The following PDE10A variants were observed in gnomAD, a reference collection of about 807,000 sequenced individuals.
The protein encoded by PDE10A is cAMP and cAMP-inhibited cGMP 3',5'-cyclic phosphodiesterase 10A.
A neutral mutation model predicts 97.7 loss-of-function variants in PDE10A; 39 were observed. The observed-to-expected ratio is 0.40, with a 90% CI of 0.31 to 0.52. PDE10A has a LOEUF of 0.52. Among genes scored for constraint, PDE10A ranks in the 20% least tolerant of loss-of-function variants. The probability of loss-of-function intolerance (pLI) is 0.56; values close to 1 mark genes in which losing one functional copy is unlikely to be tolerated. For synonymous variants in PDE10A, 371 were observed against 376.8 expected (o/e 0.98, Z 0.18); for missense variants, 731 against 1,047.8 (o/e 0.70, Z 4.17).
intron 1 of PDE10A, among the ~76,000 whole-genome samples, chr6:165,559,450 A>G (rs1784417741): frequency 6.6e-6 from 1 of 152,232 alleles, no homozygotes; most frequent in Admixed American, 6.5e-5. Context: ...ATTGGTTTAA[A>G]TCATAAAAGA....
intron 1 of PDE10A, among the ~76,000 whole-genome samples, chr6:165,881,119 T>TA (rs900693486): frequency 1.3e-5 from 2 of 152,208 alleles, no homozygotes; most frequent in Non-Finnish European, 2.9e-5. Context: ...TCAGAATCTG[T>TA]AAGAAGTTGA....
chr6:165,545,311 C>A, intron 1 of PDE10A: 1 of 428,326 alleles, frequency 2.3e-6, no homozygotes, highest in Non-Finnish European at 4.5e-6. Flanking sequence ...CCCATCACCT[C>A]AAGCTCCATC....
At chr6:165,959,787 C>A (rs1272191392) in intron 1 of PDE10A, among the ~76,000 whole-genome samples, 1 of 152,090 alleles carries the variant, frequency 6.6e-6, no homozygotes, top group Non-Finnish European at 1.5e-5. Context: ...TGCTTCCTGA[C>A]AGAGAGATCT....
At chr6:165,665,436 C>T (rs1316992328), upstream of PDE10A, among the ~76,000 whole-genome samples, 1 of 152,158 alleles carries the variant, frequency 6.6e-6, no homozygotes, top group Non-Finnish European at 1.5e-5. Context: ...TGACACTACA[C>T]TTTTGTTACT....
chr6:165,987,574 G>A (rs898350566), exon 1 of PDE10A: 13 of 396,186 alleles, frequency 3.3e-5, no homozygotes, highest in Admixed American at 2.0e-4. Context: ...GCTTCATTTC[G>A]AGTTCATAAA....
At chr6:165,659,200 C>A (rs4709956) in intron 1 of PDE10A, among the ~76,000 whole-genome samples, 1 of 151,916 alleles carries the variant, frequency 6.6e-6, no homozygotes, top group Admixed American at 6.6e-5. Flanking sequence ...ATAAAACCAG[C>A]ATTCATACAA....
chr6:165,506,025 C>T (rs1469950714), intron 2 of PDE10A, among the ~76,000 whole-genome samples: 2 of 152,280 alleles, frequency 1.3e-5, no homozygotes, highest in Non-Finnish European at 2.9e-5. Flanking sequence ...TACACTGCCT[C>T]CACTCATGGT....
intron 1 of PDE10A, among the ~76,000 whole-genome samples, chr6:165,630,550 G>C (rs1788582711): frequency 6.6e-6 from 1 of 152,066 alleles, no homozygotes; most frequent in Admixed American, 6.6e-5. Flanking sequence ...AGACTTGATG[G>C]ACTCATGCAA....
chr6:165,932,969 G>A (rs555092501), intron 1 of PDE10A, among the ~76,000 whole-genome samples: 71 of 152,318 alleles, frequency 4.7e-4, no homozygotes, highest in African/African-American at 1.7e-3. Context: ...GAGGGAGAGA[G>A]CCAGGCAGCA....
At position 165,662,054 on chromosome 6, in the gene PDE10A, A is replaced by G; in HGVS notation, c.758T>C (p.Phe253Ser). The change falls in exon 1 of 22, where the codon TTC becomes TCC. Residue 253 changes from phenylalanine to serine, a missense_variant. This residue lies in a region of PDE10A where 181 missense variants were observed against 159.1 expected (regional missense o/e 1.14). Transcript: ENST00000539869. ...CAGCGCGGCCGCGGCGGCGAGGGCG[A>G]AGCTGGCGCCCTGGGGACGCCGCGG... The part of the protein sequence containing the change: ...QTPRRPQGAS[F>S]ALAAAAALLF... 1 of 1,456,362 alleles carries G rather than the reference A, an allele frequency of 6.9e-7. No individual in the cohort carries two copies. The highest frequency in any genetic ancestry group is 1.3e-5 in the South Asian group (1 of 75,652). The allele number at this position is 1,456,362 out of a possible 1,614,324, so 90.2% of individuals were successfully genotyped here. A position where few individuals can be genotyped will look rare whatever the true frequency, so the allele number is the denominator to read the frequency against.
chr6:165,792,514 G>A (rs568677125), intron 1 of PDE10A, among the ~76,000 whole-genome samples: 1 of 152,260 alleles, frequency 6.6e-6, no homozygotes, highest in South Asian at 2.1e-4. Context: ...TAATGCTTTT[G>A]TTTGTCTCCA....
At chr6:165,741,057 T>C (rs1234827188) in intron 1 of PDE10A, among the ~76,000 whole-genome samples, 2 of 152,146 alleles carry the variant, frequency 1.3e-5, no homozygotes, top group Non-Finnish European at 2.9e-5. Flanking sequence ...GTGTGGTGAC[T>C]ATAGTTAATA....
rs763032041 is a variant in PDE10A at position 165,943,214 on chromosome 6, AGAAAGAAAGAAAGAAAGAAAGAAGGAAG to A, written c.-615+44287_-615+44314del. Among the ~76,000 whole-genome samples, 314 of 85,478 alleles carry A rather than the reference AGAAAGAAAGAAAGAAAGAAAGAAGGAAG, an allele frequency of 3.7e-3. 1 individual carries two copies. The highest frequency in any genetic ancestry group is 4.0e-3 in the Non-Finnish European group (166 of 41,366). The allele number at this position is 85,478 out of a possible 152,430, so 56.1% of individuals were successfully genotyped here. On this transcript the variant is annotated intron_variant, in intron 1 of 19. Coordinates refer to the PDE10A transcript ENST00000366882. ...AAGAAAGAAAGAAAGAAAGAAAGAA[AGAAAGAAAGAAAGAAAGAAAGAAGGAAG>A]GAAGGAAGGAAGGAAGGAAGGAAGG...
intron 1 of PDE10A, among the ~76,000 whole-genome samples, chr6:165,579,024 T>A (rs1785470212): frequency 6.6e-6 from 1 of 152,142 alleles, no homozygotes; most frequent in Non-Finnish European, 1.5e-5. Flanking sequence ...GGAAAGGGCA[T>A]CTCAGACAGA....
chr6:165,741,469 A>T (rs1423201297), intron 1 of PDE10A, among the ~76,000 whole-genome samples: 2 of 152,224 alleles, frequency 1.3e-5, no homozygotes, highest in African/African-American at 4.8e-5. Context: ...ATGTTGACAA[A>T]GATCTGGATC....
chr6:165,843,040 G>A (rs12198868), intron 1 of PDE10A, among the ~76,000 whole-genome samples: 33,387 of 152,200 alleles, frequency 0.22, 3,943 homozygotes, highest in Middle Eastern at 0.28. Flanking sequence ...GAAGAAGGCC[G>A]TAGCACAAAT....
intron 1 of PDE10A, among the ~76,000 whole-genome samples, chr6:165,908,383 T>TACC (rs1443892666): frequency 6.6e-6 from 1 of 152,226 alleles, no homozygotes; most frequent in Non-Finnish European, 1.5e-5. Context: ...TGTCTTGGGC[T>TACC]ACCGTTGGGT....
chr6:165,474,739 AGTATTT>A (rs1332076840), intron 3 of PDE10A, among the ~76,000 whole-genome samples: 10 of 148,842 alleles, frequency 6.7e-5, no homozygotes, highest in Admixed American at 1.6e-4. Context: ...TTCCACTCTT[AGTATTT>A]GTAAGTATTC....
intron 1 of PDE10A, among the ~76,000 whole-genome samples, chr6:165,625,723 T>C (rs6921349): frequency 0.24 from 35,802 of 152,078 alleles, 5,912 homozygotes; most frequent in African/African-American, 0.47. Flanking sequence ...TCTCTCTTGC[T>C]GCCATGTAAG....
Sources: allele counts gnomAD v4.1 joint callset (sites outside exome capture counted in the v4.1 genomes callset), GRCh38; gene constraint gnomAD v4.1.1; regional missense constraint gnomAD v4.1.1; transcripts MANE v1.5; gene names NCBI Gene and HGNC (gene_info 2026-07-23, HGNC 2026-07-21).